ALAS2: variants seen among roughly 807,000 people sequenced by gnomAD.
ALAS2 encodes 5-aminolevulinate synthase, erythroid-specific, mitochondrial.
In ALAS2, 3 loss-of-function variants were observed where a neutral mutation model predicts 33.7. The ratio of observed to expected loss-of-function variants is 0.09; its 90% confidence interval spans 0.04 to 0.23. The LOEUF is 0.23. Among genes scored for constraint, ALAS2 ranks in the 10% least tolerant of loss-of-function variants. The pLI, the probability that ALAS2 is intolerant of heterozygous loss-of-function variation, is 1.00. For synonymous variants in ALAS2, 191 were observed against 177.3 expected, an observed-to-expected ratio of 1.08 and a Z score of -0.61; for missense variants, 304 against 475.1, an observed-to-expected ratio of 0.64 and a Z score of 3.35.
chrX:55,010,645 CAA>C (rs1935587328), intron 10 of ALAS2, among the ~76,000 whole-genome samples: 1 of 111,445 alleles, frequency 9.0e-6, no homozygotes, highest in African/African-American at 3.3e-5. Context: ...AATTTTTGCT[CAA>C]GTTTCACCTC....
chrX:55,020,067 AG>A (rs1334811882), intron 6 of ALAS2, among the ~76,000 whole-genome samples: 1 of 111,512 alleles, frequency 9.0e-6, no homozygotes, highest in Non-Finnish European at 1.9e-5. Flanking sequence ...TTGAGTTGGG[AG>A]GTGATGAATT....
intron 6 of ALAS2, among the ~76,000 whole-genome samples, chrX:55,019,129 C>G (rs1935754888): frequency 9.1e-6 from 1 of 110,204 alleles, no homozygotes; most frequent in South Asian, 3.8e-4. Context: ...AGGGCAGTAG[C>G]TAGAGAGTGA....
intron 4 of ALAS2, among the ~76,000 whole-genome samples, chrX:55,022,633 C>T (rs1341508661): frequency 9.0e-6 from 1 of 111,704 alleles, no homozygotes; most frequent in Non-Finnish European, 1.9e-5. Context: ...AAAATGTACA[C>T]ATCCTTACAT....
At chrX:55,009,745 G>A in intron 10 of ALAS2, among the ~76,000 whole-genome samples, 1 of 111,356 alleles carries the variant, frequency 9.0e-6, no homozygotes. Context: ...CCACCTGGGG[G>A]TGTGAAAACC....
chrX:55,015,211 T>C (rs1935678580), intron 8 of ALAS2, among the ~76,000 whole-genome samples, 196 bp from the exon 9 acceptor site: 1 of 111,129 alleles, frequency 9.0e-6, no homozygotes, highest in African/African-American at 3.3e-5. Context: ...CTTTCAAGTC[T>C]TGCCATATGC....
intron 1 of ALAS2, among the ~76,000 whole-genome samples, chrX:55,028,136 T>C (rs1015084330): frequency 9.0e-6 from 1 of 110,999 alleles, no homozygotes; most frequent in Non-Finnish European, 1.9e-5. Flanking sequence ...TCTGGAGATA[T>C]GTGTTTCCCT....
At chrX:55,015,842 G>C in intron 7 of ALAS2, 100 bp from the exon 8 acceptor site, 1 of 967,500 alleles carries the variant, frequency 1.0e-6, no homozygotes, top group Admixed American at 2.4e-5. Context: ...GGTTGGAAAA[G>C]GGTGTTGTAG....
chrX:55,009,305 G>C lies in ALAS2; in HGVS notation c.1639C>G (p.Leu547Val), dbSNP rs1165063003. ...CAGGCAGCCACAGACACATCCTGGA[G>C]GGGCAGCCCCACCGCAGTCCAAGCC... is the stretch of plus-strand genomic sequence containing the variant. ...LLAWTAVGLP[L>V]QDVSVAACNF... The change falls in exon 11 of 11, where the codon CTC becomes GTC. Residue 547 changes from leucine to valine, a missense_variant. Coordinates refer to ENST00000650242, the MANE Select transcript of ALAS2 (RefSeq NM_000032.5). 3 of 1,202,783 alleles carry C rather than the reference G, an allele frequency of 2.5e-6. No homozygotes were observed. The African/African-American group carries it at 5.3e-5, about 21-fold the overall frequency.
intron 2 of ALAS2, 143 bp from the exon 3 acceptor site, chrX:55,024,983 G>T (rs982355932): frequency 1.3e-6 from 1 of 771,565 alleles, no homozygotes; most frequent in Non-Finnish European, 1.9e-6. Context: ...TGGTCCCTGT[G>T]CTAGGGGAGC....
intron 2 of ALAS2, among the ~76,000 whole-genome samples, chrX:55,025,566 T>C (rs1214979646): frequency 9.0e-6 from 1 of 111,061 alleles, no homozygotes; most frequent in Non-Finnish European, 1.9e-5. Context: ...ACTCCTGACC[T>C]CGTGATCCAC....
At chrX:55,028,511 G>A (rs1935930932) in intron 1 of ALAS2, among the ~76,000 whole-genome samples, 1 of 111,646 alleles carries the variant, frequency 9.0e-6, no homozygotes, top group Non-Finnish European at 1.9e-5. Flanking sequence ...GGATGGTGGA[G>A]AAGACCTACC....
At chrX:55,025,681 T>C in intron 2 of ALAS2, 139 bp downstream of exon 2, 1 of 640,131 alleles carries the variant, frequency 1.6e-6, no homozygotes, top group South Asian at 2.4e-5. Context: ...ATTCTGGGTA[T>C]ATTTTGGGGC....
rs1185834585 is a variant in ALAS2 at position 55,009,159 on chromosome X, G to A, written c.*21C>T. On this transcript the variant is annotated 3_prime_UTR_variant, in exon 11 of 11. Transcript: ENST00000650242. ...CCCAAGTGAAGCGCAGGTGGGGTGTGAATCCTAGGCAGCTGGCTTCTCAGG... is the reference window on the plus strand; with the variant it reads ...CCCAAGTGAAGCGCAGGTGGGGTGTAAATCCTAGGCAGCTGGCTTCTCAGG... 8 of 1,203,122 alleles carry A rather than the reference G, an allele frequency of 6.6e-6. No homozygotes were observed. The East Asian group carries it at 1.8e-4, about 27-fold the overall frequency.
Position 55,016,669 on chromosome X carries a change from A to T in ALAS2, c.1003+817T>A, listed in dbSNP as rs185989405. 1.5e-3 allele frequency among the ~76,000 whole-genome samples: 163 copies of T among 112,209 alleles called. 1 individual carries two copies. The highest frequency in any genetic ancestry group is 5.1e-3 in the African/African-American group (156 of 30,884). On this transcript the variant is annotated intron_variant, in intron 7 of 10. Transcript: ENST00000650242. ...TTCCCTTAAATAAATCCATAAGAGG[A>T]TGCCTAAAACACATGATTTCTACAC...
chrX:55,010,113 C>G lies in ALAS2; in HGVS notation c.1601-770G>C, dbSNP rs6612252. Among the ~76,000 whole-genome samples the G allele has an allele frequency of 4.3e-3, 483 of 111,736 alleles. 3 individuals are homozygous for G. The highest frequency in any genetic ancestry group is 0.015 in the African/African-American group (466 of 30,751). ...GTTGCTCAGTCCAAAAATTTCAGAG[C>G]TATCCTTTATTTTTCTCTTTCTCTC... On this transcript the variant is annotated intron_variant, in intron 10 of 10. Coordinates refer to ENST00000650242, the MANE Select transcript of ALAS2 (RefSeq NM_000032.5).
intron 10 of ALAS2, among the ~76,000 whole-genome samples, chrX:55,010,966 A>G (rs1935591725): frequency 9.0e-6 from 1 of 111,668 alleles, no homozygotes; most frequent in Non-Finnish European, 1.9e-5. Flanking sequence ...CTACAAGATG[A>G]AGGAAAGTAA....
rs748347802 is a variant in ALAS2 at position 55,017,507 on chromosome X, C to G, written c.982G>C (p.Glu328Gln). 2.6e-5 allele frequency: 31 copies of G among 1,210,796 alleles called. No homozygotes were observed. The highest frequency in any genetic ancestry group is 3.5e-5 in the Non-Finnish European group (31 of 894,932). The change falls in exon 7 of 11, where the codon GAG becomes CAG. Residue 328 changes from glutamate (E) to glutamine (Q), a missense_variant. Transcript: ENST00000650242. ...ATACCATCCATGGAGTGGACAGTCT[C>G]AAAGGCCACAATTTTGGGTATCTTA... ...NPKIPKIVAF[E>Q]TVHSMDGAIC...
At chrX:55,023,916 A>C in intron 3 of ALAS2, 49 bp from the exon 4 acceptor site, 1 of 1,034,454 alleles carries the variant, frequency 9.7e-7, no homozygotes, top group South Asian at 2.0e-5. Flanking sequence ...TGGGGGAAAA[A>C]GAAAGCATGT....
chrX:55,021,354 A>G, intron 4 of ALAS2, 80 bp from the exon 5 acceptor site: 1 of 823,969 alleles, frequency 1.2e-6, no homozygotes, highest in African/African-American at 2.0e-5. Context: ...CATGTTGCTG[A>G]TTTTGAGTTC....
Sources: allele counts gnomAD v4.1 joint callset (sites outside exome capture counted in the v4.1 genomes callset), GRCh38; gene constraint gnomAD v4.1.1; transcripts MANE v1.5; gene names NCBI Gene and HGNC (gene_info 2026-07-23, HGNC 2026-07-21).